The following MAGI2 variants were observed in gnomAD, a reference collection of about 807,000 sequenced individuals.
The protein encoded by MAGI2 is membrane associated guanylate kinase, WW and PDZ domain containing 2, also known as membrane-associated guanylate kinase, WW and PDZ domain-containing protein 2.
A neutral mutation model predicts 133.3 loss-of-function variants in MAGI2; 35 were observed. The observed-to-expected ratio is 0.26, with a 90% CI of 0.20 to 0.35. The LOEUF is 0.35. Ranked by LOEUF, MAGI2 falls within the 10% of genes least tolerant of loss-of-function variation. The pLI, the probability that MAGI2 is intolerant of heterozygous loss-of-function variation, is 1.00. For missense variants in MAGI2, 1,636 were observed against 1,863.4 expected, an observed-to-expected ratio of 0.88 and a Z score of 2.25; for synonymous variants, 729 against 710.6, an observed-to-expected ratio of 1.03 and a Z score of -0.41.
intron 2 of MAGI2, among the ~76,000 whole-genome samples, chr7:78,764,085 CT>C (rs1824775693): frequency 6.6e-6 from 1 of 152,172 alleles, no homozygotes; most frequent in African/African-American, 2.4e-5. Flanking sequence ...AAGAATGTTT[CT>C]TCCTCCTCAT....
At chr7:79,251,408 A>G (rs1833260659) in intron 1 of MAGI2, among the ~76,000 whole-genome samples, 1 of 150,098 alleles carries the variant, frequency 6.7e-6, no homozygotes, top group Non-Finnish European at 1.5e-5. Flanking sequence ...TCATAATCCA[A>G]TAAAAAATGG....
At chr7:78,431,105 T>TGTGTGTGTGTGTGTGTGTGTGTG (rs1562984625) in intron 6 of MAGI2, among the ~76,000 whole-genome samples, 5 of 151,696 alleles carry the variant, frequency 3.3e-5, no homozygotes, top group African/African-American at 1.2e-4. Context: ...TGTGTGTGTG[T>TGTGTGTGTGTGTGTGTGTGTGTG]TTTAAGCAAA....
chr7:78,335,292 G>A (rs894886938), intron 9 of MAGI2, among the ~76,000 whole-genome samples: 12 of 152,208 alleles, frequency 7.9e-5, no homozygotes, highest in East Asian at 1.9e-4. Context: ...ATGGAAGATC[G>A]GCTTGGCCAT....
chr7:79,225,083 A>C (rs1319765407), intron 1 of MAGI2, among the ~76,000 whole-genome samples: 5 of 152,116 alleles, frequency 3.3e-5, no homozygotes, highest in Admixed American at 3.3e-4. Flanking sequence ...GCTTACCTTT[A>C]AGACCTCAAC....
intron 9 of MAGI2, among the ~76,000 whole-genome samples, chr7:78,265,471 T>C (rs1455269210): frequency 6.6e-6 from 1 of 152,170 alleles, no homozygotes; most frequent in African/African-American, 2.4e-5. Context: ...TGTAGTGAAT[T>C]TTAAACAAAA....
chr7:79,297,380 G>A (rs1837019684), intron 1 of MAGI2, among the ~76,000 whole-genome samples: 1 of 152,132 alleles, frequency 6.6e-6, no homozygotes, highest in South Asian at 2.1e-4. Flanking sequence ...CCTTCTCCTT[G>A]CATTTCCATC....
chr7:78,861,817 G>A (rs991220091), intron 2 of MAGI2, among the ~76,000 whole-genome samples: 12 of 152,156 alleles, frequency 7.9e-5, no homozygotes, highest in Non-Finnish European at 1.6e-4. Context: ...TGATTAAATA[G>A]CATTGCTTTT....
intron 2 of MAGI2, among the ~76,000 whole-genome samples, chr7:79,004,180 AC>A (rs1425530285): frequency 6.6e-6 from 1 of 152,202 alleles, no homozygotes; most frequent in Non-Finnish European, 1.5e-5. Context: ...AGCACTATTT[AC>A]AATAGCAAAG....
At chr7:78,354,077 A>G (rs1329835373) in intron 7 of MAGI2, among the ~76,000 whole-genome samples, 2 of 152,104 alleles carry the variant, frequency 1.3e-5, no homozygotes, top group Non-Finnish European at 2.9e-5. Flanking sequence ...ATTCCCAAGC[A>G]TTTCTGCATC....
chr7:78,726,714 T>A (rs1820848585), intron 2 of MAGI2, among the ~76,000 whole-genome samples: 1 of 152,160 alleles, frequency 6.6e-6, no homozygotes, highest in Non-Finnish European at 1.5e-5. Context: ...TGTGGTATAA[T>A]ATGCTAGTTC....
chr7:78,942,379 C>T (rs1801055709), intron 2 of MAGI2, among the ~76,000 whole-genome samples: 1 of 152,132 alleles, frequency 6.6e-6, no homozygotes, highest in Non-Finnish European at 1.5e-5. Context: ...GATGTACCTA[C>T]AGTCATGGTT....
intron 2 of MAGI2, among the ~76,000 whole-genome samples, chr7:78,892,534 A>G (rs1427152870): frequency 1.3e-5 from 2 of 152,180 alleles, no homozygotes; most frequent in Non-Finnish European, 2.9e-5. Context: ...AAACAGAGAT[A>G]TAGATCAATG....
intron 1 of MAGI2, among the ~76,000 whole-genome samples, chr7:79,116,852 C>T (rs960068580): frequency 1.3e-5 from 2 of 152,160 alleles, no homozygotes; most frequent in Non-Finnish European, 2.9e-5. Context: ...CTTCAGCCTC[C>T]ACCATGATTG....
At position 78,624,886 on chromosome 7, in the gene MAGI2, T is replaced by C. The variant is rs191342440; in HGVS notation, c.538+2234A>G. Among the ~76,000 whole-genome samples, 218 of 152,290 alleles carry C rather than the reference T, an allele frequency of 1.4e-3. 2 individuals are homozygous for C. Among genetic ancestry groups the C allele is most frequent in the African/African-American group, 5.1e-3 (210 of 41,578 alleles). On this transcript the variant is annotated intron_variant, in intron 3 of 21. Transcript: ENST00000354212. ...GATAATTACTGTATTTTACTTTTTA[T>C]TGTTATTTTAGGAGTGTATTCCTTC...
At chr7:78,516,332 A>T (rs1357410234) in intron 4 of MAGI2, among the ~76,000 whole-genome samples, 1 of 152,086 alleles carries the variant, frequency 6.6e-6, no homozygotes, top group Admixed American at 6.5e-5. Flanking sequence ...TTTTGAGGAT[A>T]GTTGCATGAC....
intron 13 of MAGI2, among the ~76,000 whole-genome samples, chr7:78,184,943 C>T (rs905317668): frequency 1.3e-5 from 2 of 152,096 alleles, no homozygotes; most frequent in African/African-American, 4.8e-5. Flanking sequence ...TCTATGTTAG[C>T]AACATTTCTA....
At chr7:78,891,640 T>C (rs560006534) in intron 2 of MAGI2, among the ~76,000 whole-genome samples, 1 of 152,268 alleles carries the variant, frequency 6.6e-6, no homozygotes, top group Admixed American at 6.5e-5. Flanking sequence ...CAAGATTATC[T>C]CAATAGATGC....
intron 9 of MAGI2, among the ~76,000 whole-genome samples, chr7:78,288,321 C>T (rs563960606): frequency 1.1e-4 from 16 of 152,178 alleles, no homozygotes; most frequent in African/African-American, 2.4e-4. Flanking sequence ...TAAATTTAAT[C>T]GCTTATTTGT....
At chr7:78,688,751 A>C (rs1816647103) in intron 2 of MAGI2, among the ~76,000 whole-genome samples, 1 of 152,246 alleles carries the variant, frequency 6.6e-6, no homozygotes, top group Non-Finnish European at 1.5e-5. Context: ...AGAAGTATGA[A>C]TAGAAATAAA....
Sources: allele counts gnomAD v4.1 joint callset (sites outside exome capture counted in the v4.1 genomes callset), GRCh38; gene constraint gnomAD v4.1.1; transcripts MANE v1.5; gene names NCBI Gene and HGNC (gene_info 2026-07-23, HGNC 2026-07-21).